Variants in NME7 observed in about 807,000 individuals in gnomAD.
NME7 encodes NME/NM23 family member 7.
In NME7, 41 loss-of-function variants were observed where a neutral mutation model predicts 49.1. The ratio of observed to expected loss-of-function variants is 0.83; its 90% CI spans 0.65 to 1.08. NME7 has a LOEUF of 1.08. Among genes scored for constraint, NME7 ranks in the 50% least tolerant of loss-of-function variants. The probability of loss-of-function intolerance (pLI) is 0.00; values close to 1 mark genes in which losing one functional copy is unlikely to be tolerated. For synonymous variants in NME7, 139 were observed against 150.6 expected, an observed-to-expected ratio of 0.92 and a Z score of 0.56; for missense variants, 423 against 463.4, an observed-to-expected ratio of 0.91 and a Z score of 0.80.
chr1:169,321,508 T>A (rs190920023), intron 3 of NME7, among the ~76,000 whole-genome samples: 6 of 152,312 alleles, frequency 3.9e-5, no homozygotes, highest in African/African-American at 1.4e-4. Context: ...TGGTTGGCAT[T>A]TCTTTAATCC....
intron 3 of NME7, among the ~76,000 whole-genome samples, chr1:169,314,759 G>GA (rs34809821): frequency 2.7e-5 from 4 of 148,662 alleles, no homozygotes; most frequent in Admixed American, 2.0e-4. Context: ...GGAACTTAAA[G>GA]AAAAAAAAAG....
At chr1:169,203,809 A>G (rs559582520) in intron 10 of NME7, among the ~76,000 whole-genome samples, 2 of 152,136 alleles carry the variant, frequency 1.3e-5, no homozygotes, top group Non-Finnish European at 2.9e-5. Context: ...AGTAGGTATA[A>G]TGAGATGTGT....
intron 10 of NME7, among the ~76,000 whole-genome samples, chr1:169,188,337 C>A (rs1205139484): frequency 6.6e-6 from 1 of 152,158 alleles, no homozygotes; most frequent in East Asian, 1.9e-4. Flanking sequence ...ATCACACCTG[C>A]TTATTTTATA....
intron 7 of NME7, among the ~76,000 whole-genome samples, chr1:169,253,386 T>A (rs1233041167): frequency 6.6e-6 from 1 of 151,568 alleles, no homozygotes; most frequent in Non-Finnish European, 1.5e-5. Context: ...TGTATAAGAA[T>A]GCTTGTGATT....
Position 169,269,810 on chromosome 1 carries a change from T to C in NME7, c.754+17493A>G, listed in dbSNP as rs758780123. On this transcript the variant is annotated intron_variant, in intron 7 of 11. Transcript: ENST00000367811. The stretch of plus-strand genomic sequence containing the variant: ...ATAATTTGCTTCCTAGTAAATTAAA[T>C]GCAGACAACCACAAAATATCTAAAC... 2.2e-5 allele frequency among the ~76,000 whole-genome samples: 3 copies of C among 134,830 alleles called. 1 individual carries two copies. Among genetic ancestry groups the C allele is most frequent in the Non-Finnish European group, 5.2e-5 (3 of 57,316 alleles). The allele number at this position is 134,830 out of a possible 152,430, so 88.5% of individuals were successfully genotyped here. A position where few individuals can be genotyped will look rare whatever the true frequency, so the allele number is the denominator to read the frequency against.
At chr1:169,280,998 C>G (rs529912836) in intron 7 of NME7, among the ~76,000 whole-genome samples, 3 of 152,144 alleles carry the variant, frequency 2.0e-5, no homozygotes, top group African/African-American at 7.2e-5. Context: ...TGAAGAAAGT[C>G]AATGGTAGCT....
intron 10 of NME7, among the ~76,000 whole-genome samples, chr1:169,218,754 G>A (rs1330732506): frequency 6.7e-6 from 1 of 148,422 alleles, no homozygotes; most frequent in African/African-American, 2.5e-5. Flanking sequence ...TGGGAAAGAG[G>A]AAAAATCCTT....
rs113083320 is a variant in NME7 at position 169,191,373 on chromosome 1, T to C, written c.991-21819A>G. ...ATTATTGCTCCATTTTTGAGTTCCA[T>C]CAAACAAGAGAAAAAAAGTCTTTAC... On this transcript the variant is annotated intron_variant, in intron 10 of 11. Coordinates refer to ENST00000367811, the MANE Select transcript of NME7 (RefSeq NM_013330.5). Among the ~76,000 whole-genome samples the C allele has an allele frequency of 5.6e-3, 854 of 152,250 alleles. 8 individuals are homozygous for C. The highest frequency in any genetic ancestry group is 0.02 in the African/African-American group (817 of 41,550).
At chr1:169,269,151 T>G (rs1649411275) in intron 7 of NME7, among the ~76,000 whole-genome samples, 2 of 133,378 alleles carry the variant, frequency 1.5e-5, no homozygotes, top group African/African-American at 5.1e-5. Context: ...AGATTCCTTC[T>G]AAATCAATAA....
chr1:169,262,684 G>A (rs796342311), intron 7 of NME7, among the ~76,000 whole-genome samples: 1 of 133,400 alleles, frequency 7.5e-6, no homozygotes, highest in African/African-American at 2.5e-5. Flanking sequence ...CACGGGAAAG[G>A]GTGAGTGAGT....
intron 11 of NME7, among the ~76,000 whole-genome samples, chr1:169,142,161 A>G (rs1250954351): frequency 2.6e-5 from 4 of 152,190 alleles, no homozygotes; most frequent in Non-Finnish European, 5.9e-5. Flanking sequence ...AGGCTAAGGA[A>G]AGCCTATATG....
At chr1:169,179,272 C>T (rs1659857236) in intron 10 of NME7, among the ~76,000 whole-genome samples, 1 of 152,188 alleles carries the variant, frequency 6.6e-6, no homozygotes, top group Non-Finnish European at 1.5e-5. Flanking sequence ...CATCTCACAC[C>T]AGTCAGAATG....
intron 6 of NME7, among the ~76,000 whole-genome samples, chr1:169,291,979 A>G (rs1269817040): frequency 1.3e-5 from 2 of 152,094 alleles, no homozygotes; most frequent in African/African-American, 2.4e-5. Flanking sequence ...CCAAATCTAC[A>G]TTATCTCTGA....
chr1:169,296,695 T>C (rs555739769), intron 6 of NME7, among the ~76,000 whole-genome samples: 3 of 152,182 alleles, frequency 2.0e-5, no homozygotes, highest in Non-Finnish European at 4.4e-5. Flanking sequence ...TCATTCTGAC[T>C]CTAGCCACAG....
intron 8 of NME7, among the ~76,000 whole-genome samples, chr1:169,235,485 T>A (rs961703809): frequency 2.6e-5 from 4 of 152,084 alleles, no homozygotes; most frequent in Non-Finnish European, 5.9e-5. Flanking sequence ...ATGAGACTAC[T>A]AAGACTCAGA....
chr1:169,150,364 T>C (rs1035391578), intron 11 of NME7, among the ~76,000 whole-genome samples: 3 of 152,190 alleles, frequency 2.0e-5, no homozygotes, highest in African/African-American at 4.8e-5. Context: ...TGTAAATACA[T>C]TGCATTTAAT....
chr1:169,268,185 A>G (rs1649378307), intron 7 of NME7, among the ~76,000 whole-genome samples: 1 of 134,374 alleles, frequency 7.4e-6, no homozygotes, highest in African/African-American at 2.5e-5. Context: ...AACCATGAAA[A>G]AAAGCTCAAT....
At chr1:169,140,151 AG>A in intron 11 of NME7, among the ~76,000 whole-genome samples, 1 of 151,212 alleles carries the variant, frequency 6.6e-6, no homozygotes, top group Non-Finnish European at 1.5e-5. Flanking sequence ...ACAGAAAGAC[AG>A]AAGAAAGGAT....
chr1:169,349,608 G>A (rs1328458823), intron 1 of NME7, among the ~76,000 whole-genome samples: 3 of 152,028 alleles, frequency 2.0e-5, no homozygotes, highest in Admixed American at 1.3e-4. Flanking sequence ...TCTTTCTCAT[G>A]ACATTTTTAA....
Sources: gnomAD v4.1 joint callset for allele counts (sites outside exome capture counted in the v4.1 genomes callset) on GRCh38, gnomAD v4.1.1 for gene constraint, MANE v1.5 for transcripts, NCBI Gene and HGNC (gene_info 2026-07-23, HGNC 2026-07-21) for gene names.